The following ESRRG variants were observed in gnomAD, a reference collection of about 807,000 sequenced individuals.
ESRRG encodes estrogen related receptor gamma.
ESRRG carries 13 observed loss-of-function variants against 44.0 expected under a neutral mutation model. The observed-to-expected ratio is 0.30, with a 90% CI of 0.19 to 0.47. The LOEUF (loss-of-function observed/expected upper bound fraction) is 0.47, where lower values mean the gene tolerates loss of function less well. Ranked by LOEUF, ESRRG falls within the 20% of genes least tolerant of loss-of-function variation. ESRRG has a pLI of 1.00. For missense variants in ESRRG, 395 were observed against 580.6 expected (o/e 0.68, Z 3.29); for synonymous variants, 215 against 214.6 (o/e 1.00, Z -0.02).
chr1:216,748,086 A>G (rs2091612717), intron 2 of ESRRG, among the ~76,000 whole-genome samples: 1 of 152,188 alleles, frequency 6.6e-6, no homozygotes, highest in African/African-American at 2.4e-5. Flanking sequence ...GTAATTATTG[A>G]TTTACAAATA....
At chr1:216,591,476 A>T (rs1490404274) in intron 3 of ESRRG, among the ~76,000 whole-genome samples, 1 of 152,208 alleles carries the variant, frequency 6.6e-6, no homozygotes, top group African/African-American at 2.4e-5. Context: ...CTGGATACCC[A>T]GTTGGTGCCT....
At chr1:216,995,777 C>A (rs2150573737) in intron 1 of ESRRG, among the ~76,000 whole-genome samples, 1 of 152,248 alleles carries the variant, frequency 6.6e-6, no homozygotes, top group Admixed American at 6.5e-5. Flanking sequence ...TAAATGAGGT[C>A]AGAATTTTAA....
At chr1:216,821,013 T>C (rs2095274493) in intron 2 of ESRRG, among the ~76,000 whole-genome samples, 1 of 152,156 alleles carries the variant, frequency 6.6e-6, no homozygotes, top group Admixed American at 6.6e-5. Flanking sequence ...TAAACTACAT[T>C]ACGAAGTTTT....
intron 5 of ESRRG, among the ~76,000 whole-genome samples, chr1:216,537,350 C>A (rs2051291565): frequency 6.6e-6 from 1 of 152,038 alleles, no homozygotes; most frequent in Admixed American, 6.6e-5. Flanking sequence ...CCTCTAGAAC[C>A]ATAAGAAATG....
At chr1:217,026,963 G>T (rs1351780033) in intron 1 of ESRRG, among the ~76,000 whole-genome samples, 1 of 136,638 alleles carries the variant, frequency 7.3e-6, no homozygotes, top group African/African-American at 2.7e-5. Flanking sequence ...CCCAGTCTAG[G>T]GTATCATGGT....
chr1:216,585,296 C>T (rs1269521871), intron 3 of ESRRG, among the ~76,000 whole-genome samples: 2 of 152,108 alleles, frequency 1.3e-5, no homozygotes, highest in African/African-American at 2.4e-5. Flanking sequence ...TAGTAAACTG[C>T]CAACATCCTC....
chr1:216,552,193 T>C (rs964048195), intron 5 of ESRRG, among the ~76,000 whole-genome samples: 1 of 152,078 alleles, frequency 6.6e-6, no homozygotes, highest in Non-Finnish European at 1.5e-5. Context: ...ATTGTCCATA[T>C]AAATCATGTA....
intron 2 of ESRRG, among the ~76,000 whole-genome samples, chr1:216,803,684 C>G (rs1464275739): frequency 6.6e-6 from 1 of 152,140 alleles, no homozygotes; most frequent in Non-Finnish European, 1.5e-5. Flanking sequence ...GCTGTACTCA[C>G]ACAATCCCTG....
intron 5 of ESRRG, among the ~76,000 whole-genome samples, chr1:216,522,255 CTTTTTTTTTTTTTTTTTTT>C (rs71161437): frequency 3.4e-5 from 1 of 29,262 alleles, no homozygotes; most frequent in Non-Finnish European, 5.6e-5. Flanking sequence ...AACAGCTCTC[CTTTTTTTTTTTTTTTTTTT>C]TTTTTTTTTT....
intron 1 of ESRRG, among the ~76,000 whole-genome samples, chr1:217,060,202 CTATT>C (rs1328852085): frequency 2.0e-5 from 3 of 151,874 alleles, no homozygotes; most frequent in Non-Finnish European, 4.4e-5. Context: ...GTGGATTTCT[CTATT>C]TGTGTTTTAA....
intron 1 of ESRRG, among the ~76,000 whole-genome samples, chr1:216,687,033 GTGTGTGTGTGTGTC>G (rs1320130944): frequency 6.7e-6 from 1 of 148,592 alleles, no homozygotes; most frequent in Non-Finnish European, 1.5e-5. Flanking sequence ...GCCCGTGTGT[GTGTGTGTGTGTGTC>G]TGTGTGTGTG....
At chr1:216,620,060 T>C (rs926515062) in intron 3 of ESRRG, among the ~76,000 whole-genome samples, 1 of 152,156 alleles carries the variant, frequency 6.6e-6, no homozygotes. Context: ...GAGAAAAATT[T>C]TTCCTATAAC....
chr1:217,031,147 T>A (rs568729902), intron 1 of ESRRG, among the ~76,000 whole-genome samples: 63 of 152,194 alleles, frequency 4.1e-4, no homozygotes, highest in Admixed American at 1.7e-3. Context: ...AGAGTTATTT[T>A]AAAAAAAACT....
At chr1:216,659,759 C>T (rs1047611729) in intron 2 of ESRRG, among the ~76,000 whole-genome samples, 2 of 152,132 alleles carry the variant, frequency 1.3e-5, no homozygotes, top group African/African-American at 2.4e-5. Flanking sequence ...TAGTTCATCC[C>T]GTACTTACCT....
chr1:216,584,910 C>T (rs184606263), intron 3 of ESRRG, among the ~76,000 whole-genome samples: 51 of 152,264 alleles, frequency 3.3e-4, no homozygotes, highest in African/African-American at 1.2e-3. Context: ...GACCAGCTGT[C>T]TGCTAAATGA....
chr1:216,958,985 C>T (rs948284670), intron 1 of ESRRG, among the ~76,000 whole-genome samples: 1 of 152,088 alleles, frequency 6.6e-6, no homozygotes, highest in East Asian at 1.9e-4. Flanking sequence ...TTATTTTTCC[C>T]GTAACACTTA....
intron 2 of ESRRG, among the ~76,000 whole-genome samples, chr1:216,906,103 C>A (rs1297341423): frequency 6.6e-6 from 1 of 152,196 alleles, no homozygotes; most frequent in East Asian, 1.9e-4. Flanking sequence ...TGAGGATATG[C>A]ACAGTATGTA....
At chr1:216,650,872 T>C in intron 3 of ESRRG, 101 bp downstream of exon 3, 1 of 756,292 alleles carries the variant, frequency 1.3e-6, no homozygotes, top group Admixed American at 1.8e-5. Context: ...GTACTTACTG[T>C]TACCTCATCT....
intron 1 of ESRRG, among the ~76,000 whole-genome samples, chr1:216,978,571 A>C (rs1448745288): frequency 6.6e-6 from 1 of 152,168 alleles, no homozygotes; most frequent in African/African-American, 2.4e-5. Context: ...GGGACATCCA[A>C]TATCTATCTT....
Sources: gnomAD v4.1 joint callset for allele counts (sites outside exome capture counted in the v4.1 genomes callset) on GRCh38, gnomAD v4.1.1 for gene constraint, MANE v1.5 for transcripts, NCBI Gene and HGNC (gene_info 2026-07-23, HGNC 2026-07-21) for gene names.